The following ZNF736 variants were observed in gnomAD, a reference collection of about 807,000 sequenced individuals.
The protein encoded by ZNF736 is zinc finger protein 736, also known as KRAB-containing zinc-finger repressor protein.
Under a neutral mutation model 11.7 loss-of-function variants are expected in ZNF736, and 6 were observed. That is an observed-to-expected ratio of 0.51 (90% confidence interval 0.28 to 1.01). The LOEUF is 1.01. Among genes scored for constraint, ZNF736 ranks in the 50% least tolerant of loss-of-function variants. The pLI, the probability that ZNF736 is intolerant of heterozygous loss-of-function variation, is 0.09. For missense variants in ZNF736, 444 were observed against 496.0 expected (o/e 0.90, Z 1.00); for synonymous variants, 139 against 164.7 (o/e 0.84, Z 1.19).
chr7:64,347,122 C>A (rs1562676703), intron 3 of ZNF736, among the ~76,000 whole-genome samples: 1 of 150,808 alleles, frequency 6.6e-6, no homozygotes, highest in African/African-American at 2.4e-5. Flanking sequence ...GAATATGATA[C>A]CAATTTTTTA....
At chr7:64,323,914 T>C (rs1302909470) in intron 1 of ZNF736, among the ~76,000 whole-genome samples, 2 of 152,148 alleles carry the variant, frequency 1.3e-5, no homozygotes, top group African/African-American at 4.8e-5. Flanking sequence ...AGTAAAAAAA[T>C]AAATACCTAA....
chr7:64,331,978 T>A (rs608310), intron 1 of ZNF736, among the ~76,000 whole-genome samples: 2 of 151,850 alleles, frequency 1.3e-5, no homozygotes, highest in Non-Finnish European at 2.9e-5. Context: ...TTCTAGGTCC[T>A]TCTGCCTGTG....
Position 64,348,792 on chromosome 7 carries a change from A to G in ZNF736, c.929A>G (p.Asp310Gly). The change falls in exon 4 of 4, where the codon GAC becomes GGC. Residue 310 changes from aspartate to glycine, a missense_variant. Asp to Gly is a moderately conservative substitution (Grantham distance 94). Coordinates refer to ENST00000423484, the MANE Select transcript of ZNF736 (RefSeq NM_001170905.3). ...LAKHKIIHTG[D>G]KPYTCNECGK... ...AAACATAAGATAATTCATACTGGAG[A>G]CAAACCCTACACATGTAATGAATGT... is the stretch of plus-strand genomic sequence containing the variant. 6.3e-7 allele frequency: 1 copy of G among 1,586,744 alleles called. No homozygotes were observed. Among genetic ancestry groups the G allele is most frequent in the Non-Finnish European group, 8.6e-7 (1 of 1,166,488 alleles).
chr7:64,324,661 G>A (rs1321319135), intron 1 of ZNF736, among the ~76,000 whole-genome samples: 1 of 152,136 alleles, frequency 6.6e-6, no homozygotes, highest in African/African-American at 2.4e-5. Flanking sequence ...CGCTAAATCT[G>A]TGGCAACAAC....
chr7:64,334,631 A>G (rs1467795053), intron 1 of ZNF736, among the ~76,000 whole-genome samples: 1 of 152,238 alleles, frequency 6.6e-6, no homozygotes, highest in Non-Finnish European at 1.5e-5. Flanking sequence ...TTAAAAAGTC[A>G]GGAAACAGAT....
In ZNF736 at chr7:64,349,700, T is replaced by C. The variant is rs1789460680; in HGVS notation, c.*553T>C. The C allele has an allele frequency of 6.6e-6, 1 of 152,316 alleles. No individual in the cohort carries two copies. The allele number at this position is 152,316 out of a possible 1,614,324, so 9.4% of individuals were successfully genotyped here. A position where few individuals can be genotyped will look rare whatever the true frequency, so the allele number is the denominator to read the frequency against. Reference sequence around the variant, plus strand: ...AGTGTGCTTTTGTAGTGACTGGTAATAGTCTTTTTCTTATTTAATGCTTTC... The same window carrying C: ...AGTGTGCTTTTGTAGTGACTGGTAACAGTCTTTTTCTTATTTAATGCTTTC... On this transcript the variant is annotated 3_prime_UTR_variant, in exon 4 of 4. Coordinates refer to ENST00000423484, the MANE Select transcript of ZNF736 (RefSeq NM_001170905.3).
At chr7:64,332,341 T>C (rs1273158926) in intron 1 of ZNF736, among the ~76,000 whole-genome samples, 3 of 152,204 alleles carry the variant, frequency 2.0e-5, no homozygotes, top group African/African-American at 7.2e-5. Context: ...TTGGTAGGAC[T>C]GTGATACCCA....
chr7:64,316,472 G>C (rs955816574), intron 1 of ZNF736, among the ~76,000 whole-genome samples: 3 of 152,212 alleles, frequency 2.0e-5, no homozygotes, highest in African/African-American at 7.2e-5. Context: ...ACTCTAGTGA[G>C]GGAGTGTATA....
intron 1 of ZNF736, among the ~76,000 whole-genome samples, chr7:64,334,691 G>A (rs1242800400): frequency 2.6e-5 from 4 of 152,204 alleles, no homozygotes; most frequent in Admixed American, 2.6e-4. Context: ...GTTGGTGGGA[G>A]TGTAAATTAG....
Position 64,348,200 on chromosome 7 carries a change from T to G in ZNF736, c.337T>G (p.Leu113Val), listed in dbSNP as rs1789436657. Reference sequence around the variant, plus strand: ...AAGCTGTGACCTTAATAATTTACATTTAAAGAAAGACTACCAAAGTGTGGG... The same window carrying G: ...AAGCTGTGACCTTAATAATTTACATGTAAAGAAAGACTACCAAAGTGTGGG... ...YGSCDLNNLHLKKDYQSVGNC... is the reference protein window; with the variant it reads ...YGSCDLNNLHVKKDYQSVGNC... The change falls in exon 4 of 4, where the codon TTA becomes GTA. Residue 113 changes from leucine (L) to valine (V), a missense_variant. Physicochemically the swap from Leu to Val is conservative, Grantham distance 32. Transcript: ENST00000423484. The G allele has an allele frequency of 6.4e-7, 1 of 1,551,616 alleles. No homozygotes were observed. Among genetic ancestry groups the G allele is most frequent in the African/African-American group, 1.4e-5 (1 of 73,136 alleles).
In ZNF736 at chr7:64,348,544, A is replaced by G. The variant is rs763347047; in HGVS notation, c.681A>G (p.Lys227=). ...ATAAGAGAGTTCATACTGGAGAGAA[A>G]CCTTACAAATGTGAAGGATGTGGCA... is the stretch of plus-strand genomic sequence containing the variant. The part of the protein sequence containing the change: ...TEHKRVHTGE[K]PYKCEGCGKT... The change falls in exon 4 of 4, where the codon AAA becomes AAG. Residue 227 remains lysine, a synonymous_variant. Coordinates refer to ENST00000423484, the MANE Select transcript of ZNF736 (RefSeq NM_001170905.3). The G allele has an allele frequency of 2.5e-6, 4 of 1,585,274 alleles. No homozygotes were observed. In the Admixed American group the frequency reaches 7.2e-5, roughly 29 times the overall value.
Position 64,348,621 on chromosome 7 carries a change from G to C in ZNF736, c.758G>C (p.Gly253Ala), listed in dbSNP as rs781589509. Residue 253 changes from glycine to alanine, a missense_variant, in exon 4 of 4, where the codon GGA becomes GCA. Coordinates refer to ENST00000423484, the MANE Select transcript of ZNF736 (RefSeq NM_001170905.3). Reference sequence around the variant, plus strand: ...GTTAAACACAAGAGAAATCATACTGGAGACAGACCCTACAAATGTGAAGAA... The same window carrying C: ...GTTAAACACAAGAGAAATCATACTGCAGACAGACCCTACAAATGTGAAGAA... ...TLVKHKRNHT[G>A]DRPYKCEECG... is the part of the protein sequence containing the mutation. 2 of 1,603,912 alleles carry C rather than the reference G, an allele frequency of 1.2e-6. No homozygotes were observed. Among genetic ancestry groups the C allele is most frequent in the Non-Finnish European group, 8.5e-7 (1 of 1,175,400 alleles).
chr7:64,346,615 T>C (rs1279188323), intron 3 of ZNF736, among the ~76,000 whole-genome samples: 1 of 152,146 alleles, frequency 6.6e-6, no homozygotes, highest in Non-Finnish European at 1.5e-5. Context: ...AATTCCAGAT[T>C]CTCTTCTTGT....
Position 64,332,928 on chromosome 7 carries a change from T to C in ZNF736, c.4-3331T>C, listed in dbSNP as rs759915490. Among the ~76,000 whole-genome samples, 8 of 152,194 alleles carry C rather than the reference T, an allele frequency of 5.3e-5. No individual in the cohort carries two copies. The South Asian group carries it at 1.4e-3, about 28-fold the overall frequency. On this transcript the variant is annotated intron_variant, in intron 1 of 3. Coordinates refer to ENST00000423484, the MANE Select transcript of ZNF736 (RefSeq NM_001170905.3). ...CCTTGTTCCCTAAAAATCACTGTTATTCTGTTCTTCTTCAAGGTGCAATGA... is the reference window on the plus strand; with the variant it reads ...CCTTGTTCCCTAAAAATCACTGTTACTCTGTTCTTCTTCAAGGTGCAATGA...
chr7:64,314,434 C>T (rs1788883035), intron 1 of ZNF736, among the ~76,000 whole-genome samples: 1 of 152,162 alleles, frequency 6.6e-6, no homozygotes. Flanking sequence ...CTCCCTCCTC[C>T]AGATTGTGTG....
At chr7:64,340,432 T>C (rs1789321098) in intron 3 of ZNF736, among the ~76,000 whole-genome samples, 1 of 152,156 alleles carries the variant, frequency 6.6e-6, no homozygotes, top group South Asian at 2.1e-4. Flanking sequence ...TCAAAATAGT[T>C]GAACCATTTC....
intron 1 of ZNF736, among the ~76,000 whole-genome samples, chr7:64,319,710 T>G (rs1788977553): frequency 6.6e-6 from 1 of 151,796 alleles, no homozygotes; most frequent in Admixed American, 6.6e-5. Context: ...TTGGCCAGGC[T>G]GGTCTCGAAC....
At chr7:64,332,838 G>A (rs146569903) in intron 1 of ZNF736, among the ~76,000 whole-genome samples, 100 of 152,224 alleles carry the variant, frequency 6.6e-4, no homozygotes, top group African/African-American at 2.2e-3. Context: ...TAGGCTCTCT[G>A]CAAGAAGAAA....
chr7:64,327,268 TATA>T (rs1156638639), intron 1 of ZNF736, among the ~76,000 whole-genome samples: 5 of 152,216 alleles, frequency 3.3e-5, no homozygotes, highest in African/African-American at 4.8e-5. Flanking sequence ...GCCACTTTAT[TATA>T]ATAACTTTGG....
Sources: allele counts gnomAD v4.1 joint callset (sites outside exome capture counted in the v4.1 genomes callset), GRCh38; gene constraint gnomAD v4.1.1; transcripts MANE v1.5; gene names NCBI Gene and HGNC (gene_info 2026-07-23, HGNC 2026-07-21).